FGF14: variants seen among roughly 807,000 people sequenced by gnomAD.
The protein encoded by FGF14 is fibroblast growth factor 14.
FGF14 carries 5 observed loss-of-function variants against 25.5 expected under a neutral mutation model. That is an observed-to-expected ratio of 0.20 (90% CI 0.10 to 0.41). The LOEUF (loss-of-function observed/expected upper bound fraction) is 0.41. Among genes scored for constraint, FGF14 ranks in the 10% least tolerant of loss-of-function variants. FGF14 has a pLI of 1.00. For synonymous variants in FGF14, 138 were observed against 118.3 expected, an observed-to-expected ratio of 1.17 and a Z score of -1.08; for missense variants, 222 against 320.1, an observed-to-expected ratio of 0.69 and a Z score of 2.34.
At chr13:102,396,402 A>C (rs1279746232) in intron 1 of FGF14, among the ~76,000 whole-genome samples, 3 of 152,378 alleles carry the variant, frequency 2.0e-5, no homozygotes, top group African/African-American at 4.8e-5. Flanking sequence ...ATTTTGAGAC[A>C]TCTACGTGGT....
intron 1 of FGF14, among the ~76,000 whole-genome samples, chr13:102,140,835 G>T (rs773861486): frequency 6.6e-6 from 1 of 152,018 alleles, no homozygotes; most frequent in African/African-American, 2.4e-5. Flanking sequence ...GTATTACTTC[G>T]GCAAAAAGTG....
intron 1 of FGF14, among the ~76,000 whole-genome samples, chr13:102,087,413 T>TC (rs1396859585): frequency 2.3e-5 from 3 of 131,766 alleles, no homozygotes; most frequent in Non-Finnish European, 4.9e-5. Context: ...ATTTCTTTTT[T>TC]TTTTTTTTTT....
At chr13:101,733,783 G>A (rs2035984975) in intron 3 of FGF14, among the ~76,000 whole-genome samples, 1 of 151,570 alleles carries the variant, frequency 6.6e-6, no homozygotes, top group Non-Finnish European at 1.5e-5. Flanking sequence ...TTTTTTGGCA[G>A]TAAAAATATT....
chr13:101,813,454 G>A (rs1389032632), intron 3 of FGF14, among the ~76,000 whole-genome samples: 2 of 152,144 alleles, frequency 1.3e-5, no homozygotes, highest in East Asian at 3.9e-4. Context: ...TGGCACTTTT[G>A]ACCCACTCTA....
upstream of FGF14, among the ~76,000 whole-genome samples, chr13:101,919,541 T>C (rs1594730390): frequency 6.6e-6 from 1 of 151,946 alleles, no homozygotes; most frequent in Admixed American, 6.6e-5. Flanking sequence ...ATCCTTGGAC[T>C]TGGGGGTCAG....
chr13:102,243,730 T>C (rs2051720482), intron 1 of FGF14, among the ~76,000 whole-genome samples: 1 of 150,760 alleles, frequency 6.6e-6, no homozygotes, highest in African/African-American at 2.4e-5. Flanking sequence ...ATCCACCACA[T>C]GATGTTAAAA....
chr13:101,888,236 C>T lies in FGF14; in HGVS notation c.194-12940G>A, dbSNP rs771976655. ...AGCTTTTTCTCAAGAAGTGACCCAT[C>T]GGAGTCACATTTTAGAGAACACTGG... On this transcript the variant is annotated intron_variant, in intron 1 of 4. Coordinates refer to ENST00000376143, the MANE Select transcript of FGF14 (RefSeq NM_004115.4). 3.9e-5 allele frequency among the ~76,000 whole-genome samples: 6 copies of T among 152,222 alleles called. No individual in the cohort carries two copies. In the East Asian group the frequency reaches 5.8e-4, roughly 15 times the overall value.
intron 3 of FGF14, among the ~76,000 whole-genome samples, chr13:101,850,664 T>C (rs1050012549): frequency 1.4e-5 from 2 of 143,184 alleles, no homozygotes; most frequent in East Asian, 4.0e-4. Context: ...ATATATTCTA[T>C]ATAGAGAATA....
intron 1 of FGF14, among the ~76,000 whole-genome samples, chr13:102,140,257 T>C (rs2046593729): frequency 6.6e-6 from 1 of 152,146 alleles, no homozygotes; most frequent in African/African-American, 2.4e-5. Context: ...ATAAATAAAA[T>C]GACTACCCAA....
intron 1 of FGF14, among the ~76,000 whole-genome samples, chr13:102,350,376 T>TA (rs11332521): frequency 0.026 from 3,519 of 136,464 alleles, 107 homozygotes; most frequent in African/African-American, 0.085. Context: ...CCTCTTTAAT[T>TA]AAAAAAAAAA....
chr13:102,279,342 A>T lies in FGF14; in HGVS notation c.208+122129T>A, dbSNP rs1005654555. Among the ~76,000 whole-genome samples, 9 of 152,240 alleles carry T rather than the reference A, an allele frequency of 5.9e-5. No homozygotes were observed. The East Asian group carries it at 1.7e-3, about 29-fold the overall frequency. ...TCATACATAAGCTTATCTGTTAACT[A>T]TTTCTTATTGTTGAAGGTTCAGGTT... On this transcript the variant is annotated intron_variant, in intron 1 of 4. Coordinates refer to the FGF14 transcript ENST00000376131.
At chr13:102,087,422 T>C (rs534897366) in intron 1 of FGF14, among the ~76,000 whole-genome samples, 2 of 139,904 alleles carry the variant, frequency 1.4e-5, no homozygotes, top group South Asian at 2.4e-4. Flanking sequence ...TTTTTTTTTT[T>C]TTTTTTTGAG....
chr13:102,378,631 C>CTATCTATCTATCTA (rs757841395), intron 1 of FGF14, among the ~76,000 whole-genome samples: 228 of 141,898 alleles, frequency 1.6e-3, no homozygotes, highest in Non-Finnish European at 2.7e-3. Context: ...ATCTATCTAT[C>CTATCTATCTATCTA]TATATATATA....
intron 1 of FGF14, among the ~76,000 whole-genome samples, chr13:101,957,618 G>A (rs1422682569): frequency 1.3e-5 from 2 of 152,136 alleles, no homozygotes; most frequent in Non-Finnish European, 2.9e-5. Context: ...ATGCATATTA[G>A]TATTTGAGCA....
intron 1 of FGF14, among the ~76,000 whole-genome samples, chr13:102,299,354 C>T (rs2138548093): frequency 6.6e-6 from 1 of 152,098 alleles, no homozygotes. Context: ...TGGATGCAAC[C>T]AAACCTTAAG....
At chr13:101,828,916 A>G (rs2140272144) in intron 3 of FGF14, among the ~76,000 whole-genome samples, 1 of 152,220 alleles carries the variant, frequency 6.6e-6, no homozygotes, top group South Asian at 2.1e-4. Flanking sequence ...TTCTCACTAG[A>G]AACTCATTAC....
chr13:102,380,648 T>C (rs1429711522), intron 1 of FGF14, among the ~76,000 whole-genome samples: 1 of 152,220 alleles, frequency 6.6e-6, no homozygotes, highest in Non-Finnish European at 1.5e-5. Flanking sequence ...AAGGAATGTT[T>C]ACGTTTTGCA....
In FGF14 at chr13:102,252,734, CAGG is replaced by C. The variant is rs1295032684; in HGVS notation, c.208+148734_208+148736del. ...GCTCAGAACGTGCAGGTTTGTTACACAGGAATACACGTGCCATGGTGGTTTGCT... is the reference window on the plus strand; with the variant it reads ...GCTCAGAACGTGCAGGTTTGTTACACAATACACGTGCCATGGTGGTTTGCT... On this transcript the variant is annotated intron_variant, in intron 1 of 4. Transcript: ENST00000376131. Among the ~76,000 whole-genome samples, 6 of 151,866 alleles carry C rather than the reference CAGG, an allele frequency of 4.0e-5. No homozygotes were observed. The South Asian group carries it at 1.0e-3, about 26-fold the overall frequency.
rs191416681 is a variant in FGF14 at position 102,329,297 on chromosome 13, T to C, written c.208+72174A>G. 2.1e-3 allele frequency among the ~76,000 whole-genome samples: 325 copies of C among 152,274 alleles called. 2 individuals are homozygous for C. The highest frequency in any genetic ancestry group is 3.9e-3 in the Non-Finnish European group (268 of 68,002). ...GGCTCTCCTCTGAAGATTTGGCTTC[T>C]TATTAGCCCTGTGAGTGAAGGCTGC... On this transcript the variant is annotated intron_variant, in intron 1 of 4. Transcript: ENST00000376131.
Sources: allele counts gnomAD v4.1 joint callset (sites outside exome capture counted in the v4.1 genomes callset), GRCh38; gene constraint gnomAD v4.1.1; transcripts MANE v1.5; gene names NCBI Gene and HGNC (gene_info 2026-07-23, HGNC 2026-07-21).